The following LOXL2 variants were observed in gnomAD, a reference collection of about 807,000 sequenced individuals.
The protein encoded by LOXL2 is lysyl oxidase like 2.
LOXL2 carries 70 observed loss-of-function variants against 93.0 expected under a neutral mutation model. That is an observed-to-expected ratio of 0.75 (90% confidence interval 0.62 to 0.92). The LOEUF (loss-of-function observed/expected upper bound fraction) is 0.92. LOXL2 is among the 40% of genes least tolerant of loss of function. The probability of loss-of-function intolerance (pLI) is 0.00; values close to 1 mark genes in which losing one functional copy is unlikely to be tolerated. For synonymous variants in LOXL2, 438 were observed against 413.2 expected, an observed-to-expected ratio of 1.06 and a Z score of -0.73; for missense variants, 973 against 1,054.9, an observed-to-expected ratio of 0.92 and a Z score of 1.08.
chr8:23,394,245 TAGTC>T (rs904548443), intron 1 of LOXL2, among the ~76,000 whole-genome samples: 3 of 151,738 alleles, frequency 2.0e-5, no homozygotes, highest in Non-Finnish European at 4.4e-5. Context: ...ATACAAAAAT[TAGTC>T]AGATACGGTA....
Position 23,316,920 on chromosome 8 carries a change from C to T in LOXL2, c.1636+29G>A, listed in dbSNP as rs116512927. On this transcript the variant is annotated intron_variant, in intron 9 of 13. Coordinates refer to ENST00000389131, the MANE Select transcript of LOXL2 (RefSeq NM_002318.3). ...TGGGACTCTGGTCCCCTTGGGAGCCCGGTGGGGAGGGAGGGGAGGAGCTCT... is the reference window on the plus strand; with the variant it reads ...TGGGACTCTGGTCCCCTTGGGAGCCTGGTGGGGAGGGAGGGGAGGAGCTCT... 2,367 of 1,549,878 alleles carry T rather than the reference C, an allele frequency of 1.5e-3. 25 individuals carry two copies. In the African/African-American group the frequency reaches 0.028, roughly 18 times the overall value.
chr8:23,335,050 G>C lies in LOXL2; in HGVS notation c.744-1427C>G, dbSNP rs113002620. On this transcript the variant is annotated intron_variant, in intron 4 of 13. Transcript: ENST00000389131. ...GGCTGCTCTCGAACTCCTGACCTCA[G>C]GTAATCTGCCTCCCTCGGCCTCCCA... is the stretch of plus-strand genomic sequence containing the variant. Among the ~76,000 whole-genome samples the C allele has an allele frequency of 5.8e-4, 88 of 152,176 alleles. 2 individuals carry two copies. The highest frequency in any genetic ancestry group is 2.1e-3 in the African/African-American group (86 of 41,524).
At chr8:23,305,822 T>G (rs1402951052) in intron 10 of LOXL2, among the ~76,000 whole-genome samples, 2 of 151,940 alleles carry the variant, frequency 1.3e-5, no homozygotes, top group Non-Finnish European at 2.9e-5. Flanking sequence ...TGTTTTTGTT[T>G]TTTTTTTGAG....
intron 12 of LOXL2, among the ~76,000 whole-genome samples, chr8:23,299,241 C>G (rs1056246296): frequency 2.6e-5 from 4 of 152,162 alleles, no homozygotes; most frequent in African/African-American, 4.8e-5. Context: ...CCTGGGAGTT[C>G]TGGGGAAGGC....
intron 9 of LOXL2, among the ~76,000 whole-genome samples, chr8:23,314,235 C>T (rs542238565): frequency 5.0e-4 from 74 of 148,632 alleles, no homozygotes; most frequent in African/African-American, 1.7e-3. Context: ...GTCAGTGTGG[C>T]GATTCCTCAG....
chr8:23,401,290 C>T (rs1222307174), intron 1 of LOXL2, among the ~76,000 whole-genome samples: 1 of 152,094 alleles, frequency 6.6e-6, no homozygotes, highest in Non-Finnish European at 1.5e-5. Context: ...ACAAGTTACA[C>T]AAATCAACAG....
At chr8:23,395,723 A>G (rs1421615346) in intron 1 of LOXL2, among the ~76,000 whole-genome samples, 1 of 152,134 alleles carries the variant, frequency 6.6e-6, no homozygotes, top group Non-Finnish European at 1.5e-5. Flanking sequence ...TTTTGGAGGC[A>G]GAGTCTTACT....
rs2117132889 is a variant in LOXL2 at position 23,297,245 on chromosome 8, C to CA, written c.*797_*798insT. On this transcript the variant is annotated 3_prime_UTR_variant, in exon 14 of 14. Transcript: ENST00000389131. ...TAAGTGTCTGTGATGACACATGGTG[C>CA]TCAGTGAGCGCCCTGTCACCCAGGA... 6.6e-6 allele frequency: 1 copy of CA among 152,312 alleles called. No homozygotes were observed. Among genetic ancestry groups the CA allele is most frequent in the African/African-American group, 2.4e-5 (1 of 41,558 alleles). The allele number at this position is 152,312 out of a possible 1,614,324, so 9.4% of individuals were successfully genotyped here.
intron 3 of LOXL2, chr8:23,341,539 G>T: frequency 2.5e-6 from 1 of 397,744 alleles, no homozygotes; most frequent in Non-Finnish European, 4.7e-6. Context: ...CTCCTGCACA[G>T]GCCTCGAAAT....
At chr8:23,334,684 T>A (rs1437575456) in intron 4 of LOXL2, among the ~76,000 whole-genome samples, 1 of 151,966 alleles carries the variant, frequency 6.6e-6, no homozygotes, top group Non-Finnish European at 1.5e-5. Context: ...TCAGTTTTTT[T>A]TTTTCTAAAA....
intron 1 of LOXL2, among the ~76,000 whole-genome samples, chr8:23,376,677 T>A (rs1310329933): frequency 6.6e-6 from 1 of 152,206 alleles, no homozygotes; most frequent in South Asian, 2.1e-4. Flanking sequence ...GGAGAGTGTA[T>A]GTGTCCAGGA....
chr8:23,335,148 A>C lies in LOXL2; in HGVS notation c.744-1525T>G, dbSNP rs544588320. On this transcript the variant is annotated intron_variant, in intron 4 of 13. Coordinates refer to ENST00000389131, the MANE Select transcript of LOXL2 (RefSeq NM_002318.3). ...GTATTTGGAGGTAGTATCCAAATTT[A>C]TGCCAAGTCATATCATTGTAAGGAG... 2.6e-5 allele frequency among the ~76,000 whole-genome samples: 4 copies of C among 152,258 alleles called. No homozygotes were observed. In the East Asian group the frequency reaches 5.8e-4, roughly 22 times the overall value.
rs1401878268 is a variant in LOXL2, at chr8:23,328,369, C to A, written c.1150+13G>T. ...CAGGAAGAGAGGCCCCCTCTAGCCT[C>A]CCCATTCCTTACCTTGCCCCAGTCG... On this transcript the variant is annotated intron_variant, in intron 6 of 13. Coordinates refer to ENST00000389131, the MANE Select transcript of LOXL2 (RefSeq NM_002318.3). The A allele has an allele frequency of 6.2e-7, 1 of 1,613,572 alleles. No homozygotes were observed. The highest frequency in any genetic ancestry group is 1.1e-5 in the South Asian group (1 of 91,048).
At chr8:23,316,395 G>C (rs564235125) in intron 9 of LOXL2, among the ~76,000 whole-genome samples, 48 of 152,258 alleles carry the variant, frequency 3.2e-4, no homozygotes, top group African/African-American at 1.2e-3. Flanking sequence ...TTGGGCTCAG[G>C]AGGGCAGCAT....
chr8:23,373,590 G>C (rs754282123), intron 1 of LOXL2, among the ~76,000 whole-genome samples: 11 of 152,202 alleles, frequency 7.2e-5, no homozygotes, highest in Non-Finnish European at 1.5e-4. Context: ...GTCACACAGA[G>C]TGCTTGGCAA....
intron 7 of LOXL2, 58 bp from the exon 8 acceptor site, chr8:23,320,110 C>G (rs567073726): frequency 1.9e-6 from 3 of 1,555,550 alleles, no homozygotes; most frequent in African/African-American, 2.7e-5. Flanking sequence ...TTCCCCCCTA[C>G]GCTGCCATCA....
chr8:23,352,066 G>A (rs768647414), intron 3 of LOXL2, among the ~76,000 whole-genome samples: 1 of 152,170 alleles, frequency 6.6e-6, no homozygotes, highest in Non-Finnish European at 1.5e-5. Context: ...CCCCCACCTT[G>A]GCCTCCCAAA....
chr8:23,330,197 G>A (rs530314694), intron 5 of LOXL2, among the ~76,000 whole-genome samples: 112 of 152,290 alleles, frequency 7.4e-4, no homozygotes, highest in African/African-American at 2.6e-3. Flanking sequence ...AGCCAGGTGC[G>A]GTGGCGGGTG....
chr8:23,341,044 A>G lies in LOXL2; in HGVS notation c.691T>C (p.Cys231Arg), dbSNP rs1172170131. The part of the protein sequence containing the change: ...HWTAKNSRVV[C>R]GMFGFPGERT... ...TCCCCAGGGAAGCCAAACATGCCGC[A>G]GACCACGCGGGAATTCTTGGCCGTC... Residue 231 changes from cysteine to arginine, a missense_variant, in exon 4 of 14, where the codon TGC becomes CGC. Physicochemically the swap from Cys to Arg is radical, Grantham distance 180. Coordinates refer to ENST00000389131, the MANE Select transcript of LOXL2 (RefSeq NM_002318.3). 3 of 1,614,042 alleles carry G rather than the reference A, an allele frequency of 1.9e-6. No homozygotes were observed. Among genetic ancestry groups the G allele is most frequent in the Non-Finnish European group, 2.5e-6 (3 of 1,180,048 alleles).
Sources: gnomAD v4.1 joint callset for allele counts (sites outside exome capture counted in the v4.1 genomes callset) on GRCh38, gnomAD v4.1.1 for gene constraint, MANE v1.5 for transcripts, NCBI Gene and HGNC (gene_info 2026-07-23, HGNC 2026-07-21) for gene names.